The following SAP30L variants were observed in gnomAD, a reference collection of about 807,000 sequenced individuals.
The protein encoded by SAP30L is SAP30 like, also known as histone deacetylase complex subunit SAP30L.
SAP30L carries 10 observed loss-of-function variants against 22.3 expected under a neutral mutation model. That is an observed-to-expected ratio of 0.45 (90% CI 0.28 to 0.76). The LOEUF (loss-of-function observed/expected upper bound fraction) is 0.76. SAP30L is among the 30% of genes least tolerant of loss of function. SAP30L has a pLI of 0.14. For missense variants in SAP30L, 206 were observed against 237.9 expected, an observed-to-expected ratio of 0.87 and a Z score of 0.88; for synonymous variants, 91 against 94.1, an observed-to-expected ratio of 0.97 and a Z score of 0.19.
intron 1 of SAP30L, among the ~76,000 whole-genome samples, chr5:154,447,813 G>C (rs1420606615): frequency 2.6e-5 from 4 of 152,106 alleles, no homozygotes; most frequent in African/African-American, 9.7e-5. Context: ...GAGATAGGAA[G>C]TGAGGGTGTC....
chr5:154,447,398 G>T (rs1020808648), intron 1 of SAP30L, among the ~76,000 whole-genome samples: 1 of 152,222 alleles, frequency 6.6e-6, no homozygotes, highest in African/African-American at 2.4e-5. Context: ...GGGAAGAAAA[G>T]AAATCAATTT....
intron 1 of SAP30L, 95 bp from the exon 2 acceptor site, chr5:154,450,996 G>A (rs1757126108): frequency 7.7e-7 from 1 of 1,302,068 alleles, no homozygotes; most frequent in African/African-American, 1.5e-5. Context: ...TCTCTCCAAT[G>A]CCCTGCAATG....
In SAP30L at chr5:154,446,819, C is replaced by T; in HGVS notation, c.201+14C>T. 6.3e-7 allele frequency: 1 copy of T among 1,596,712 alleles called. No individual in the cohort carries two copies. Among genetic ancestry groups the T allele is most frequent in the East Asian group, 2.3e-5 (1 of 43,770 alleles). Reference sequence around the variant, plus strand: ...ATCGACAAGAGCGTGAGTCCGCCCCCGCTCGCGTCTGGGCCCCGGCGCCCC... The same window carrying T: ...ATCGACAAGAGCGTGAGTCCGCCCCTGCTCGCGTCTGGGCCCCGGCGCCCC... On this transcript the variant is annotated intron_variant, in intron 1 of 3. Coordinates refer to ENST00000297109, the MANE Select transcript of SAP30L (RefSeq NM_024632.6).
At position 154,458,915 on chromosome 5, in the gene SAP30L, A is replaced by T. The variant is rs949595513; in HGVS notation, c.*2887A>T. On this transcript the variant is annotated 3_prime_UTR_variant, in exon 4 of 4. Transcript: ENST00000297109. ...TGTAAAATGAAGAGGAATTTTACTT[A>T]CATGTTACAGCTGCCAAGTTTTTAG... is the stretch of plus-strand genomic sequence containing the variant. 11 of 152,244 alleles carry T rather than the reference A, an allele frequency of 7.2e-5. No homozygotes were observed. The highest frequency in any genetic ancestry group is 6.5e-4 in the Admixed American group (10 of 15,294). The allele number at this position is 152,244 out of a possible 1,614,324, so 9.4% of individuals were successfully genotyped here. A position where few individuals can be genotyped will look rare whatever the true frequency, so the allele number is the denominator to read the frequency against.
In SAP30L at chr5:154,446,461, C is replaced by G; in HGVS notation, c.-144C>G. The G allele has an allele frequency of 1.6e-6, 1 of 608,798 alleles. No individual in the cohort carries two copies. Among genetic ancestry groups the G allele is most frequent in the Non-Finnish European group, 2.5e-6 (1 of 405,022 alleles). 37.7% of individuals were successfully genotyped at this position (608,798 alleles called of 1,614,324 possible). A position where few individuals can be genotyped will look rare whatever the true frequency, so the allele number is the denominator to read the frequency against. On this transcript the variant is annotated 5_prime_UTR_variant, in exon 1 of 4. Coordinates refer to ENST00000297109, the MANE Select transcript of SAP30L (RefSeq NM_024632.6). ...GGCCGAGGGAGCCGGGCCTCTCGGA[C>G]GCGGGGCAGGGCAGCGCCCGGGCTG...
At chr5:154,455,010 C>G (rs1456187403) in intron 3 of SAP30L, among the ~76,000 whole-genome samples, 2 of 152,030 alleles carry the variant, frequency 1.3e-5, no homozygotes, top group East Asian at 3.9e-4. Flanking sequence ...GCCTCCACCT[C>G]CCGGGTTCAA....
rs565799913 is a variant in SAP30L, at chr5:154,458,259, T to C, written c.*2231T>C. On this transcript the variant is annotated 3_prime_UTR_variant, in exon 4 of 4. Coordinates refer to ENST00000297109, the MANE Select transcript of SAP30L (RefSeq NM_024632.6). ...GGAAAGTGGAGGTTGTGGGCATCTT[T>C]TCAACCTTTTCAATCTGACCTTTCA... is the stretch of plus-strand genomic sequence containing the variant. 7 of 152,360 alleles carry C rather than the reference T, an allele frequency of 4.6e-5. No individual in the cohort carries two copies. In the East Asian group the frequency reaches 1.2e-3, roughly 25 times the overall value. The allele number at this position is 152,360 out of a possible 1,614,324, so 9.4% of individuals were successfully genotyped here.
At chr5:154,451,486 A>G (rs1757140282) in intron 2 of SAP30L, among the ~76,000 whole-genome samples, 1 of 152,204 alleles carries the variant, frequency 6.6e-6, no homozygotes. Context: ...CCTTTCCAGT[A>G]GACCACACTG....
chr5:154,460,865 T>G lies in SAP30L; in HGVS notation c.*4837T>G, dbSNP rs1228090686. The G allele has an allele frequency of 6.6e-6, 1 of 152,232 alleles. No individual in the cohort carries two copies. Among genetic ancestry groups the G allele is most frequent in the African/African-American group, 2.4e-5 (1 of 41,454 alleles). The allele number at this position is 152,232 out of a possible 1,614,324, so 9.4% of individuals were successfully genotyped here. A position where few individuals can be genotyped will look rare whatever the true frequency, so the allele number is the denominator to read the frequency against. ...CCTTCCATTCCAGGCCTCCTCATAT[T>G]GTACTTGTTTCCTGCCAAATCTGGG... is the stretch of plus-strand genomic sequence containing the variant. On this transcript the variant is annotated 3_prime_UTR_variant, in exon 4 of 4. Coordinates refer to ENST00000297109, the MANE Select transcript of SAP30L (RefSeq NM_024632.6).
chr5:154,448,165 A>G (rs1041728777), intron 1 of SAP30L, among the ~76,000 whole-genome samples: 3 of 151,832 alleles, frequency 2.0e-5, no homozygotes, highest in African/African-American at 7.3e-5. Flanking sequence ...TAATGGAGAT[A>G]GGGTTTCGCC....
Position 154,459,964 on chromosome 5 carries a change from A to T in SAP30L, c.*3936A>T, listed in dbSNP as rs1416043924. 6.6e-6 allele frequency: 1 copy of T among 152,178 alleles called. No individual in the cohort carries two copies. The highest frequency in any genetic ancestry group is 1.5e-5 in the Non-Finnish European group (1 of 68,032). The allele number at this position is 152,178 out of a possible 1,614,324, so 9.4% of individuals were successfully genotyped here. On this transcript the variant is annotated 3_prime_UTR_variant, in exon 4 of 4. Coordinates refer to ENST00000297109, the MANE Select transcript of SAP30L (RefSeq NM_024632.6). ...TGCTGTTGTCCAATCATCCGTTTTT[A>T]GAGATGGGGAAACTAAAACTCAAAA...
chr5:154,455,479 G>T (rs531358905), intron 3 of SAP30L, among the ~76,000 whole-genome samples: 1 of 152,294 alleles, frequency 6.6e-6, no homozygotes, highest in South Asian at 2.1e-4. Flanking sequence ...AAAGCATTGG[G>T]ATTATAGGTG....
chr5:154,448,252 A>AGG (rs1298719331), intron 1 of SAP30L, among the ~76,000 whole-genome samples: 2 of 152,120 alleles, frequency 1.3e-5, no homozygotes, highest in African/African-American at 2.4e-5. Context: ...CTGGGATTAC[A>AGG]GGCGTGAGCC....
chr5:154,451,421 G>GAC, intron 2 of SAP30L: 1 of 594,432 alleles, frequency 1.7e-6, no homozygotes, highest in Non-Finnish European at 2.9e-6. Context: ...TCATTTTACA[G>GAC]ACAGGCACAG....
intron 1 of SAP30L, among the ~76,000 whole-genome samples, chr5:154,447,359 T>C (rs1348850970): frequency 6.6e-6 from 1 of 152,206 alleles, no homozygotes; most frequent in Non-Finnish European, 1.5e-5. Context: ...TCTTGAGAAA[T>C]GGCTCTTGCA....
Position 154,456,068 on chromosome 5 carries a change from A to T in SAP30L, c.*40A>T, listed in dbSNP as rs1757258409. ...TTAAAGGAATGAAGTGTAATGCTTG[A>T]TGCACAGGTGATATCTACTACATTT... On this transcript the variant is annotated 3_prime_UTR_variant, in exon 4 of 4. Coordinates refer to ENST00000297109, the MANE Select transcript of SAP30L (RefSeq NM_024632.6). 1.9e-6 allele frequency: 3 copies of T among 1,598,810 alleles called. No homozygotes were observed. Among genetic ancestry groups the T allele is most frequent in the Non-Finnish European group, 2.6e-6 (3 of 1,172,712 alleles).
At position 154,460,643 on chromosome 5, in the gene SAP30L, C is replaced by G. The variant is rs1757354938; in HGVS notation, c.*4615C>G. Reference sequence around the variant, plus strand: ...TAGAAATGTCTACAGTCAGTTGTTTCATCTAGCTTGCATCTTAAAACACAA... The same window carrying G: ...TAGAAATGTCTACAGTCAGTTGTTTGATCTAGCTTGCATCTTAAAACACAA... On this transcript the variant is annotated 3_prime_UTR_variant, in exon 4 of 4. Transcript: ENST00000297109. 1 of 152,228 alleles carries G rather than the reference C, an allele frequency of 6.6e-6. No homozygotes were observed. The highest frequency in any genetic ancestry group is 6.5e-5 in the Admixed American group (1 of 15,284). 9.4% of individuals were successfully genotyped at this position (152,228 alleles called of 1,614,324 possible). A position where few individuals can be genotyped will look rare whatever the true frequency, so the allele number is the denominator to read the frequency against.
At position 154,451,195 on chromosome 5, in the gene SAP30L, C is replaced by T. The variant is rs759931815; in HGVS notation, c.306C>T (p.His102=). ...ACGATGGCGGAGATTCTCCCGAGCACGACACTGACATTCCTGAGGTAAAGG... is the reference window on the plus strand; with the variant it reads ...ACGATGGCGGAGATTCTCCCGAGCATGACACTGACATTCCTGAGGTAAAGG... ...TSDDGGDSPE[H]DTDIPEVDLF... The change falls in exon 2 of 4, where the codon CAC becomes CAT. Residue 102 remains histidine (H), a synonymous_variant. Transcript: ENST00000297109. 6 of 1,613,946 alleles carry T rather than the reference C, an allele frequency of 3.7e-6. 1 individual carries two copies. The South Asian group carries it at 4.4e-5, about 12-fold the overall frequency.
At chr5:154,448,379 G>A (rs971691490) in intron 1 of SAP30L, among the ~76,000 whole-genome samples, 1 of 152,176 alleles carries the variant, frequency 6.6e-6, no homozygotes, top group African/African-American at 2.4e-5. Flanking sequence ...TAAGTGGTTG[G>A]GAGAGAGTTA....
Sources: gnomAD v4.1 joint callset for allele counts (sites outside exome capture counted in the v4.1 genomes callset) on GRCh38, gnomAD v4.1.1 for gene constraint, MANE v1.5 for transcripts, NCBI Gene and HGNC (gene_info 2026-07-23, HGNC 2026-07-21) for gene names.